CTNNBL1: variants seen among roughly 807,000 people sequenced by gnomAD.
The protein encoded by CTNNBL1 is beta-catenin-like protein 1.
In CTNNBL1, 31 loss-of-function variants were observed where a neutral mutation model predicts 72.7. The ratio of observed to expected loss-of-function variants is 0.43; its 90% CI spans 0.32 to 0.58. The LOEUF (loss-of-function observed/expected upper bound fraction) is 0.58, where lower values mean the gene tolerates loss of function less well. CTNNBL1 is among the 20% of genes least tolerant of loss of function. The pLI, the probability that CTNNBL1 is intolerant of heterozygous loss-of-function variation, is 0.08. For missense variants in CTNNBL1, 534 were observed against 725.1 expected (o/e 0.74, Z 3.03); for synonymous variants, 240 against 267.3 (o/e 0.90, Z 1.00).
chr20:37,864,463 C>T (rs911382926), intron 15 of CTNNBL1, among the ~76,000 whole-genome samples: 1 of 152,068 alleles, frequency 6.6e-6, no homozygotes, highest in Non-Finnish European at 1.5e-5. Context: ...GGGGACTTTT[C>T]CCGTTATTTT....
intron 11 of CTNNBL1, among the ~76,000 whole-genome samples, chr20:37,835,683 G>T (rs527557820): frequency 6.6e-6 from 1 of 152,330 alleles, no homozygotes; most frequent in African/African-American, 2.4e-5. Flanking sequence ...GTCAAAATAT[G>T]TGGGCTTGTA....
chr20:37,847,500 C>T (rs540008155), intron 13 of CTNNBL1, among the ~76,000 whole-genome samples: 1 of 152,214 alleles, frequency 6.6e-6, no homozygotes, highest in Admixed American at 6.5e-5. Context: ...GGGTTCTTGT[C>T]TCAGCAGATT....
intron 1 of CTNNBL1, among the ~76,000 whole-genome samples, chr20:37,701,791 T>C (rs1008909934): frequency 6.6e-6 from 1 of 151,902 alleles, no homozygotes; most frequent in Non-Finnish European, 1.5e-5. Context: ...CAGCTGCAGA[T>C]GTGTGGCGTA....
At chr20:37,861,819 T>A (rs1312632588) in intron 15 of CTNNBL1, among the ~76,000 whole-genome samples, 1 of 152,108 alleles carries the variant, frequency 6.6e-6, no homozygotes, top group Non-Finnish European at 1.5e-5. Flanking sequence ...TGAACGTTAG[T>A]GTGAGTGTTA....
intron 11 of CTNNBL1, among the ~76,000 whole-genome samples, chr20:37,828,985 A>G (rs1357306556): frequency 6.6e-6 from 1 of 152,220 alleles, no homozygotes. Context: ...AGTGCCAGAC[A>G]TGGAACAGAT....
intron 3 of CTNNBL1, among the ~76,000 whole-genome samples, chr20:37,738,772 T>C (rs558153147): frequency 6.6e-6 from 1 of 152,292 alleles, no homozygotes; most frequent in East Asian, 1.9e-4. Flanking sequence ...AGCTGGGCCT[T>C]GAAGATTCAT....
At chr20:37,791,748 G>A (rs776505831) in intron 10 of CTNNBL1, among the ~76,000 whole-genome samples, 12 of 152,124 alleles carry the variant, frequency 7.9e-5, no homozygotes, top group African/African-American at 1.9e-4. Flanking sequence ...TGAACTGCGC[G>A]TGCGAGCGAT....
chr20:37,865,311 C>T (rs187300637), intron 15 of CTNNBL1, among the ~76,000 whole-genome samples: 31 of 152,294 alleles, frequency 2.0e-4, no homozygotes, highest in Non-Finnish European at 2.6e-4. Flanking sequence ...GGAATGAAGA[C>T]GGCACAGTTA....
At chr20:37,719,902 G>T (rs1384189251) in intron 1 of CTNNBL1, among the ~76,000 whole-genome samples, 2 of 150,208 alleles carry the variant, frequency 1.3e-5, no homozygotes, top group African/African-American at 4.9e-5. Flanking sequence ...GTGCAGTGAT[G>T]TGATCTCGGC....
At chr20:37,696,568 T>C (rs1476609114) in intron 1 of CTNNBL1, among the ~76,000 whole-genome samples, 8 of 150,370 alleles carry the variant, frequency 5.3e-5, no homozygotes, top group Non-Finnish European at 7.4e-5. Context: ...CTCAGCCTCC[T>C]GAGTAGCTGG....
intron 7 of CTNNBL1, among the ~76,000 whole-genome samples, chr20:37,775,044 T>G (rs932442620): frequency 4.6e-5 from 7 of 152,204 alleles, no homozygotes; most frequent in Non-Finnish European, 1.0e-4. Flanking sequence ...TCTTAGTGTC[T>G]CAGTAATTCT....
chr20:37,859,073 A>G (rs1304167620), intron 13 of CTNNBL1, among the ~76,000 whole-genome samples: 2 of 152,158 alleles, frequency 1.3e-5, no homozygotes, highest in African/African-American at 2.4e-5. Context: ...TGAAAATATC[A>G]TGAGTTGAAA....
intron 11 of CTNNBL1, 62 bp downstream of exon 11, chr20:37,803,110 A>G: frequency 3.4e-6 from 5 of 1,455,912 alleles, no homozygotes; most frequent in Non-Finnish European, 4.7e-6. Flanking sequence ...GGAAATGTGA[A>G]CTACTTTGAA....
chr20:37,766,151 G>A lies in CTNNBL1; in HGVS notation c.658+861G>A, dbSNP rs6020758. ...AAGAAGGGGAAACATGGGCACCTGGGGGGAAGAGGAGGAACACAACACTCT... is the reference window on the plus strand; with the variant it reads ...AAGAAGGGGAAACATGGGCACCTGGAGGGAAGAGGAGGAACACAACACTCT... On this transcript the variant is annotated intron_variant, in intron 6 of 15. Transcript: ENST00000361383. 3.3e-3 allele frequency among the ~76,000 whole-genome samples: 495 copies of A among 152,296 alleles called. 7 individuals carry two copies. Among genetic ancestry groups the A allele is most frequent in the African/African-American group, 0.011 (447 of 41,560 alleles).
intron 1 of CTNNBL1, among the ~76,000 whole-genome samples, chr20:37,717,448 T>G (rs184015997): frequency 6.6e-6 from 1 of 152,278 alleles, no homozygotes. Context: ...GCAAAGTAAA[T>G]TTATTGTATC....
intron 15 of CTNNBL1, among the ~76,000 whole-genome samples, chr20:37,862,728 A>G (rs1333072215): frequency 1.8e-5 from 1 of 55,280 alleles, no homozygotes; most frequent in Non-Finnish European, 3.4e-5. Flanking sequence ...CCCCACCTCC[A>G]TGCAGACCCT....
At chr20:37,713,595 A>G (rs2072958615) in intron 1 of CTNNBL1, among the ~76,000 whole-genome samples, 1 of 152,148 alleles carries the variant, frequency 6.6e-6, no homozygotes, top group South Asian at 2.1e-4. Context: ...GGCAGATAAT[A>G]TCATGGGGTG....
chr20:37,765,070 A>G (rs574862436), intron 5 of CTNNBL1, 127 bp from the exon 6 acceptor site: 19 of 687,854 alleles, frequency 2.8e-5, no homozygotes, highest in Non-Finnish European at 3.9e-5. Flanking sequence ...CACCTTGTAA[A>G]CCATAGATTG....
intron 11 of CTNNBL1, among the ~76,000 whole-genome samples, chr20:37,809,148 A>G (rs774109439): frequency 7.9e-5 from 12 of 152,136 alleles, no homozygotes; most frequent in Admixed American, 1.3e-4. Flanking sequence ...CAGCAAATTT[A>G]CAGTTTGAAG....
Sources: allele counts gnomAD v4.1 joint callset (sites outside exome capture counted in the v4.1 genomes callset), GRCh38; gene constraint gnomAD v4.1.1; transcripts MANE v1.5; gene names NCBI Gene and HGNC (gene_info 2026-07-23, HGNC 2026-07-21).